Variants in DOLPP1 observed in about 807,000 individuals in gnomAD.
DOLPP1 encodes the protein dolichyl pyrophosphate phosphatase 1.
DOLPP1 carries 15 observed loss-of-function variants against 34.1 expected under a neutral mutation model. That is an observed-to-expected ratio of 0.44 (90% CI 0.29 to 0.68). DOLPP1 has a LOEUF of 0.68. DOLPP1 is among the 30% of genes least tolerant of loss of function. The pLI, the probability that DOLPP1 is intolerant of heterozygous loss-of-function variation, is 0.12. For synonymous variants in DOLPP1, 130 were observed against 128.2 expected (o/e 1.01, Z -0.10); for missense variants, 249 against 307.1 (o/e 0.81, Z 1.41).
Position 129,085,022 on chromosome 9 carries a change from G to C in DOLPP1, c.178-1G>C. The C allele has an allele frequency of 1.3e-6, 2 of 1,563,066 alleles. No individual in the cohort carries two copies. Among genetic ancestry groups the C allele is most frequent in the Non-Finnish European group, 1.7e-6 (2 of 1,155,850 alleles). On this transcript the variant is annotated splice_acceptor_variant, in intron 2 of 7. Transcript: ENST00000372546. LOFTEE classifies it high-confidence loss of function. The surrounding 1 kb of genome is among the most constrained non-coding windows in gnomAD (Gnocchi z 7.0). The stretch of plus-strand genomic sequence containing the variant: ...AGCTGACCATGCGTCTTCCCCAGCA[G>C]ATCTCCTTCCTTGGGGGCCTGGCAC...
Position 129,089,060 on chromosome 9 carries a change from C to T in DOLPP1, c.*53C>T. On this transcript the variant is annotated 3_prime_UTR_variant, in exon 8 of 8. Transcript: ENST00000372546. This position sits in a 1 kb window ranked among gnomAD's most constrained non-coding sequence, Gnocchi z 4.9. ...CAGATCTGGCCCGCACGATGCCTTG[C>T]AGGATGGACAGGATGACAGACAGGG... 1 of 1,569,582 alleles carries T rather than the reference C, an allele frequency of 6.4e-7. No homozygotes were observed. Among genetic ancestry groups the T allele is most frequent in the African/African-American group, 1.3e-5 (1 of 74,204 alleles).
chr9:129,088,411 C>G (rs1156925172), intron 7 of DOLPP1, among the ~76,000 whole-genome samples: 1 of 152,076 alleles, frequency 6.6e-6, no homozygotes, highest in East Asian at 1.9e-4. Context: ...TCTACTGAGT[C>G]TCTGTCAGCC....
rs1351081998 is a variant in DOLPP1, at chr9:129,089,807, A to G, written c.*800A>G. On this transcript the variant is annotated 3_prime_UTR_variant, in exon 8 of 8. Transcript: ENST00000372546. The surrounding 1 kb of genome is among the most constrained non-coding windows in gnomAD (Gnocchi z 4.9). ...ACAGCTCTTTCTTGTCCTGCCATCCAGTAGCAGTTAGTCTTCATCCCCACG... is the reference window on the plus strand; with the variant it reads ...ACAGCTCTTTCTTGTCCTGCCATCCGGTAGCAGTTAGTCTTCATCCCCACG... 1 of 152,628 alleles carries G rather than the reference A, an allele frequency of 6.6e-6. No individual in the cohort carries two copies. The highest frequency in any genetic ancestry group is 6.5e-5 in the Admixed American group (1 of 15,292). 9.5% of individuals were successfully genotyped at this position (152,628 alleles called of 1,614,324 possible). A position where few individuals can be genotyped will look rare whatever the true frequency, so the allele number is the denominator to read the frequency against.
intron 7 of DOLPP1, among the ~76,000 whole-genome samples, chr9:129,088,055 C>T (rs559033671): frequency 5.3e-5 from 8 of 150,568 alleles, no homozygotes; most frequent in Admixed American, 1.3e-4. Context: ...GGAAGAGCTG[C>T]GACGCACCTG....
intron 6 of DOLPP1, 135 bp from the exon 7 acceptor site, chr9:129,086,574 G>A (rs1846994156): frequency 2.1e-6 from 2 of 934,376 alleles, no homozygotes; most frequent in Non-Finnish European, 3.4e-6. Flanking sequence ...GTGGCTCTGG[G>A]GTCTCAGGCC....
At position 129,084,749 on chromosome 9, in the gene DOLPP1, T is replaced by G. The variant is rs111399676; in HGVS notation, c.158T>G (p.Phe53Cys). The part of the protein sequence containing the change: ...VIVGFVTLII[F>C]KRELHTISFL... Reference sequence around the variant, plus strand: ...GTCGGTTTCGTGACCCTCATCATATTTAAGCGGGAGCTGCACACGGTGAGT... The same window carrying G: ...GTCGGTTTCGTGACCCTCATCATATGTAAGCGGGAGCTGCACACGGTGAGT... The change falls in exon 2 of 8, where the codon TTT (phenylalanine) becomes TGT (cysteine). Residue 53 changes from phenylalanine to cysteine, a missense_variant. By Grantham distance (205) the Phe-to-Cys change is radical. Transcript: ENST00000372546. The G allele has an allele frequency of 1.9e-6, 3 of 1,613,030 alleles. No homozygotes were observed. The highest frequency in any genetic ancestry group is 2.5e-6 in the Non-Finnish European group (3 of 1,179,030).
At chr9:129,082,461 A>G (rs1588429995) in intron 1 of DOLPP1, among the ~76,000 whole-genome samples, 1 of 152,342 alleles carries the variant, frequency 6.6e-6, no homozygotes, top group South Asian at 2.1e-4. Flanking sequence ...TTCCTGCACT[A>G]TGAAAACCAG....
At chr9:129,086,416 G>A in intron 6 of DOLPP1, 149 bp downstream of exon 6, 1 of 1,060,138 alleles carries the variant, frequency 9.4e-7, no homozygotes, top group South Asian at 1.6e-5. Context: ...AGACACAGGG[G>A]GTTTCCTCAG....
At position 129,085,373 on chromosome 9, in the gene DOLPP1, G is replaced by A; in HGVS notation, c.362+67G>A. 6.5e-7 allele frequency: 1 copy of A among 1,549,464 alleles called. No individual in the cohort carries two copies. The highest frequency in any genetic ancestry group is 8.9e-7 in the Non-Finnish European group (1 of 1,122,078). ...GGCCGAGTTCTGCTAGGGACTCACT[G>A]CTAGCCCTTTGGATGCCCCTGGGGT... On this transcript the variant is annotated intron_variant, in intron 4 of 7. Coordinates refer to ENST00000372546, the MANE Select transcript of DOLPP1 (RefSeq NM_020438.5). This position sits in a 1 kb window ranked among gnomAD's most constrained non-coding sequence, Gnocchi z 7.0.
Position 129,086,019 on chromosome 9 carries a change from C to T in DOLPP1, c.462-120C>T, listed in dbSNP as rs1333495940. ...GGCTGTGCCCCGTGGAGTCAGTGTC[C>T]TGTCTGTGTCTCCACATGTGTGGGC... is the stretch of plus-strand genomic sequence containing the variant. On this transcript the variant is annotated intron_variant, in intron 5 of 7. Coordinates refer to ENST00000372546, the MANE Select transcript of DOLPP1 (RefSeq NM_020438.5). 10 of 973,898 alleles carry T rather than the reference C, an allele frequency of 1.0e-5. No individual in the cohort carries two copies. The Admixed American group carries it at 2.1e-4, about 20-fold the overall frequency. The allele number at this position is 973,898 out of a possible 1,614,324, so 60.3% of individuals were successfully genotyped here.
At position 129,089,478 on chromosome 9, in the gene DOLPP1, G is replaced by A. The variant is rs1288721812; in HGVS notation, c.*471G>A. ...AGAGGGCTCCCGGTCAGCTTCCCAG[G>A]CCCTTCGCCCTATGCCCAGAGGGCA... is the stretch of plus-strand genomic sequence containing the variant. On this transcript the variant is annotated 3_prime_UTR_variant, in exon 8 of 8. Coordinates refer to ENST00000372546, the MANE Select transcript of DOLPP1 (RefSeq NM_020438.5). The surrounding 1 kb of genome is among the most constrained non-coding windows in gnomAD (Gnocchi z 4.9). 3 of 158,722 alleles carry A rather than the reference G, an allele frequency of 1.9e-5. No homozygotes were observed. The highest frequency in any genetic ancestry group is 1.2e-4 in the Admixed American group (2 of 16,590). The allele number at this position is 158,722 out of a possible 1,614,324, so 9.8% of individuals were successfully genotyped here.
rs770443047 is a variant in DOLPP1, at chr9:129,081,176, G to C, written c.45G>C (p.Pro15=). The part of the protein sequence containing the change: ...GQCSLPASWR[P]VTLTHVEYPA... The stretch of plus-strand genomic sequence containing the variant: ...GCTCGCTCCCCGCTTCATGGCGGCC[G>C]GTGACCCTCACCCACGTCGAATATC... The change falls in exon 1 of 8, where the codon CCG becomes CCC. Residue 15 remains proline (P), a synonymous_variant. Coordinates refer to ENST00000372546, the MANE Select transcript of DOLPP1 (RefSeq NM_020438.5). 11 of 1,609,792 alleles carry C rather than the reference G, an allele frequency of 6.8e-6. No individual in the cohort carries two copies. In the African/African-American group the frequency reaches 1.5e-4, roughly 22 times the overall value.
At chr9:129,084,249 C>G (rs759289257) in intron 1 of DOLPP1, among the ~76,000 whole-genome samples, 37 of 152,210 alleles carry the variant, frequency 2.4e-4, no homozygotes, top group Admixed American at 1.1e-3. Context: ...GGCTCCACCT[C>G]TGGAGTCACC....
Position 129,089,167 on chromosome 9 carries a change from C to T in DOLPP1, c.*160C>T, listed in dbSNP as rs1303038505. 4.4e-6 allele frequency: 3 copies of T among 680,632 alleles called. No homozygotes were observed. Among genetic ancestry groups the T allele is most frequent in the African/African-American group, 3.6e-5 (2 of 55,300 alleles). The allele number at this position is 680,632 out of a possible 1,614,324, so 42.2% of individuals were successfully genotyped here. On this transcript the variant is annotated 3_prime_UTR_variant, in exon 8 of 8. Coordinates refer to ENST00000372546, the MANE Select transcript of DOLPP1 (RefSeq NM_020438.5). The surrounding 1 kb of genome is among the most constrained non-coding windows in gnomAD (Gnocchi z 4.9). Reference sequence around the variant, plus strand: ...TTTTAATTTTAATGAACAAGGTGGACCAAAGGGCTGAACCAGCCCCTCAAC... The same window carrying T: ...TTTTAATTTTAATGAACAAGGTGGATCAAAGGGCTGAACCAGCCCCTCAAC...
At chr9:129,082,738 C>G (rs930807955) in intron 1 of DOLPP1, among the ~76,000 whole-genome samples, 1 of 152,204 alleles carries the variant, frequency 6.6e-6, no homozygotes, top group African/African-American at 2.4e-5. Flanking sequence ...CTCTTCACAC[C>G]GTCACTTGCT....
rs201305594 is a variant in DOLPP1, at chr9:129,085,204, C to T, written c.263-3C>T. The stretch of plus-strand genomic sequence containing the variant: ...TGATGCCCTGGTCTCCTCTCTCTCC[C>T]AGGCCCCCACACAGCAGTGGGCACC... On this transcript the variant is annotated splice_region_variant and splice_polypyrimidine_tract_variant and intron_variant, in intron 3 of 7. Transcript: ENST00000372546. This position sits in a 1 kb window ranked among gnomAD's most constrained non-coding sequence, Gnocchi z 7.0. The T allele has an allele frequency of 2.6e-5, 42 of 1,613,916 alleles. No individual in the cohort carries two copies. In the East Asian group the frequency reaches 9.4e-4, roughly 36 times the overall value.
At chr9:129,084,079 T>A (rs923184111) in intron 1 of DOLPP1, among the ~76,000 whole-genome samples, 20 of 152,256 alleles carry the variant, frequency 1.3e-4, no homozygotes, top group Non-Finnish European at 5.9e-5. Flanking sequence ...ACCGTCGCCC[T>A]ATTGGGCTTG....
Position 129,089,513 on chromosome 9 carries a change from T to C in DOLPP1, c.*506T>C, listed in dbSNP as rs1847056605. 6.5e-6 allele frequency: 1 copy of C among 153,902 alleles called. No individual in the cohort carries two copies. Among genetic ancestry groups the C allele is most frequent in the South Asian group, 2.0e-4 (1 of 4,906 alleles). The allele number at this position is 153,902 out of a possible 1,614,324, so 9.5% of individuals were successfully genotyped here. On this transcript the variant is annotated 3_prime_UTR_variant, in exon 8 of 8. Transcript: ENST00000372546. The surrounding 1 kb of genome is among the most constrained non-coding windows in gnomAD (Gnocchi z 4.9). ...CTATGCCCAGAGGGCAGACTGCCTC[T>C]CCCTGGGCCGGGGTGGCCTGGGTGC...
chr9:129,082,042 G>A (rs1473364120), intron 1 of DOLPP1, among the ~76,000 whole-genome samples: 5 of 152,236 alleles, frequency 3.3e-5, no homozygotes, highest in African/African-American at 7.2e-5. Context: ...GAAGGGCTGA[G>A]TACAGTGCCC....
Sources: gnomAD v4.1 joint callset for allele counts (sites outside exome capture counted in the v4.1 genomes callset) on GRCh38, gnomAD v4.1.1 for gene constraint, Gnocchi (gnomAD v3.1) non-coding constraint, MANE v1.5 for transcripts, NCBI Gene and HGNC (gene_info 2026-07-23, HGNC 2026-07-21) for gene names.